Variants in BCL7C observed in about 807,000 individuals in gnomAD.
BCL7C encodes the protein BAF chromatin remodeling complex subunit BCL7C.
Under a neutral mutation model 26.2 loss-of-function variants are expected in BCL7C, and 8 were observed. The observed-to-expected ratio is 0.30, with a 90% confidence interval of 0.18 to 0.55. BCL7C has a LOEUF of 0.55. Among genes scored for constraint, BCL7C ranks in the 20% least tolerant of loss-of-function variants. The pLI is 0.93. For missense variants in BCL7C, 262 were observed against 298.5 expected (o/e 0.88, Z 0.90); for synonymous variants, 90 against 116.5 (o/e 0.77, Z 1.47).
chr16:30,867,722 G>C (rs1459877354), intron 5 of BCL7C, among the ~76,000 whole-genome samples: 1 of 152,144 alleles, frequency 6.6e-6, no homozygotes, highest in African/African-American at 2.4e-5. Context: ...GAACCCGGGA[G>C]GCGGAGGTTA....
At position 30,838,217 on chromosome 16, in the gene BCL7C, T is replaced by C. The variant is rs117397408; in HGVS notation, c.529-3069A>G. On this transcript the variant is annotated intron_variant, in intron 5 of 5. Coordinates refer to the BCL7C transcript ENST00000380317. ...CTTATCTGTGACCTTGGGTAAATAATATAACATTACAAAGCCTCAGTTTTC... is the reference window on the plus strand; with the variant it reads ...CTTATCTGTGACCTTGGGTAAATAACATAACATTACAAAGCCTCAGTTTTC... Among the ~76,000 whole-genome samples the C allele has an allele frequency of 3.5e-3, 527 of 152,336 alleles. 2 individuals are homozygous for C. Among genetic ancestry groups the C allele is most frequent in the Non-Finnish European group, 5.6e-3 (382 of 68,038 alleles).
chr16:30,835,075 A>T (rs1281136522), exon 6 of BCL7C: 1 of 1,547,486 alleles, frequency 6.5e-7, no homozygotes, highest in Non-Finnish European at 8.7e-7. Context: ...CCTCCTGGGC[A>T]GGAGCCTCCT....
chr16:30,871,848 TCAC>T (rs879621555), intron 5 of BCL7C, among the ~76,000 whole-genome samples: 8 of 152,170 alleles, frequency 5.3e-5, no homozygotes, highest in Admixed American at 3.9e-4. Flanking sequence ...GTTGAGATTC[TCAC>T]CTAAGTTGAG....
chr16:30,886,967 G>A (rs889931740), downstream of BCL7C, among the ~76,000 whole-genome samples: 5 of 152,208 alleles, frequency 3.3e-5, no homozygotes, highest in Non-Finnish European at 7.3e-5. Flanking sequence ...GAGCCCAGGA[G>A]TTCAAGACCA....
intron 4 of BCL7C, among the ~76,000 whole-genome samples, chr16:30,891,798 C>T (rs2055241844): frequency 6.6e-6 from 1 of 152,002 alleles, no homozygotes; most frequent in Non-Finnish European, 1.5e-5. Context: ...GACCCTACCT[C>T]TACAAAAAAT....
chr16:30,887,773 G>A (rs751524086), downstream of BCL7C: 34 of 1,491,804 alleles, frequency 2.3e-5, no homozygotes, highest in East Asian at 5.0e-4. Context: ...CAGCCCTGAC[G>A]GGGAAATGAC....
chr16:30,839,481 A>G (rs764654067), intron 5 of BCL7C, among the ~76,000 whole-genome samples: 3 of 152,200 alleles, frequency 2.0e-5, no homozygotes, highest in Non-Finnish European at 4.4e-5. Context: ...AAGTCAGTTG[A>G]TATTAGGATA....
intron 5 of BCL7C, among the ~76,000 whole-genome samples, chr16:30,855,092 C>T (rs890297850): frequency 3.9e-5 from 6 of 152,074 alleles, no homozygotes; most frequent in African/African-American, 1.4e-4. Context: ...TTGGGTCCAG[C>T]CGTTTCTTTC....
intron 5 of BCL7C, among the ~76,000 whole-genome samples, chr16:30,863,739 C>A (rs1338616614): frequency 6.6e-6 from 1 of 152,232 alleles, no homozygotes; most frequent in Non-Finnish European, 1.5e-5. Context: ...GAAAATATCT[C>A]CTTCCAGCCT....
rs552884015 is a variant in BCL7C, at chr16:30,863,304, C to T, written c.528+25556G>A. Among the ~76,000 whole-genome samples, 27 of 152,262 alleles carry T rather than the reference C, an allele frequency of 1.8e-4. 1 individual carries two copies. The South Asian group carries it at 2.5e-3, about 14-fold the overall frequency. ...CCCTCTTCACTACTTCTCAGCAAGC[C>T]GAACTCATTGCCTTAACTCAGGCCC... On this transcript the variant is annotated intron_variant, in intron 5 of 5. Coordinates refer to the BCL7C transcript ENST00000380317.
At chr16:30,849,959 C>T (rs951163947) in intron 5 of BCL7C, among the ~76,000 whole-genome samples, 2 of 151,800 alleles carry the variant, frequency 1.3e-5, no homozygotes, top group Non-Finnish European at 2.9e-5. Flanking sequence ...CGTGGTGGCT[C>T]ACACCTTTGG....
chr16:30,845,934 G>A (rs541059620), intron 5 of BCL7C, among the ~76,000 whole-genome samples: 62 of 151,424 alleles, frequency 4.1e-4, no homozygotes, highest in Middle Eastern at 3.4e-3. Flanking sequence ...GTGAAACCCC[G>A]TCTCTACTAA....
intron 5 of BCL7C, among the ~76,000 whole-genome samples, chr16:30,835,418 C>T (rs368315381): frequency 1.3e-5 from 2 of 152,192 alleles, no homozygotes; most frequent in Non-Finnish European, 1.5e-5. Context: ...GGGCAAGCTA[C>T]ATAACTTCCT....
At chr16:30,879,700 A>AAAAAAAAAAAAAAAAAAAAAAAAAC (rs758573108) in intron 5 of BCL7C, among the ~76,000 whole-genome samples, 61 of 135,088 alleles carry the variant, frequency 4.5e-4, no homozygotes, top group Non-Finnish European at 8.6e-4. Flanking sequence ...AAAAAAAAAA[A>AAAAAAAAAAAAAAAAAAAAAAAAAC]AAAAAAAAAC....
rs1351596617 is a variant in BCL7C at position 30,893,830 on chromosome 16, C to T, written c.92+23G>A. On this transcript the variant is annotated intron_variant, in intron 1 of 5. Coordinates refer to ENST00000215115, the MANE Select transcript of BCL7C (RefSeq NM_004765.4). This position sits in a 1 kb window ranked among gnomAD's most constrained non-coding sequence, Gnocchi z 5.2. ...GCTGGTGGTCCCGCTGTGTCCCGTC[C>T]CTGGCCCCCGAGCAGCGCTCACCAT... is the stretch of plus-strand genomic sequence containing the variant. 3.1e-6 allele frequency: 5 copies of T among 1,595,888 alleles called. No homozygotes were observed. Among genetic ancestry groups the T allele is most frequent in the Non-Finnish European group, 4.3e-6 (5 of 1,175,802 alleles).
chr16:30,883,431 G>A (rs1057268590), downstream of BCL7C, among the ~76,000 whole-genome samples: 5 of 151,024 alleles, frequency 3.3e-5, no homozygotes, highest in African/African-American at 1.2e-4. Flanking sequence ...TCTTACTGCC[G>A]CCTCAACCTC....
intron 5 of BCL7C, among the ~76,000 whole-genome samples, chr16:30,862,546 T>TC (rs1405656567): frequency 6.6e-6 from 1 of 152,044 alleles, no homozygotes; most frequent in Non-Finnish European, 1.5e-5. Context: ...CTACAAATCC[T>TC]CCCAACAGGA....
intron 5 of BCL7C, chr16:30,851,390 G>A: frequency 5.3e-6 from 1 of 188,648 alleles, no homozygotes; most frequent in Non-Finnish European, 1.1e-5. Flanking sequence ...ACAGGCGCCA[G>A]CTACCATACC....
At chr16:30,891,501 G>A (rs1368834664) in intron 4 of BCL7C, among the ~76,000 whole-genome samples, 1 of 152,158 alleles carries the variant, frequency 6.6e-6, no homozygotes, top group Non-Finnish European at 1.5e-5. Flanking sequence ...ACCACGTAAA[G>A]TGTTTACCAG....
Sources: allele counts gnomAD v4.1 joint callset (sites outside exome capture counted in the v4.1 genomes callset), GRCh38; gene constraint gnomAD v4.1.1; non-coding constraint Gnocchi (gnomAD v3.1); transcripts MANE v1.5; gene names NCBI Gene and HGNC (gene_info 2026-07-23, HGNC 2026-07-21).